Variants in WDR59 observed in about 807,000 individuals in gnomAD.
The protein encoded by WDR59 is WD repeat domain 59.
In WDR59, 100 loss-of-function variants were observed where a neutral mutation model predicts 131.2. The ratio of observed to expected loss-of-function variants is 0.76; its 90% CI spans 0.65 to 0.90. The LOEUF (loss-of-function observed/expected upper bound fraction) is 0.90. Ranked by LOEUF, WDR59 falls within the 40% of genes least tolerant of loss-of-function variation. WDR59 has a pLI of 0.00. For missense variants in WDR59, 1,203 were observed against 1,262.2 expected, an observed-to-expected ratio of 0.95 and a Z score of 0.71; for synonymous variants, 601 against 466.2, an observed-to-expected ratio of 1.29 and a Z score of -3.72.
intron 8 of WDR59, among the ~76,000 whole-genome samples, chr16:74,924,881 A>G (rs1036015851): frequency 6.6e-6 from 1 of 152,098 alleles, no homozygotes; most frequent in African/African-American, 2.4e-5. Context: ...TCGGCCTCCC[A>G]AAGTGCTGGG....
chr16:74,916,740 T>G (rs1301014068), intron 11 of WDR59, among the ~76,000 whole-genome samples: 2 of 151,548 alleles, frequency 1.3e-5, no homozygotes, highest in South Asian at 2.1e-4. Context: ...ACGCCTACAG[T>G]CCCAGCTACT....
In WDR59 at chr16:74,954,427, G is replaced by A. The variant is rs370907434; in HGVS notation, c.240+2048C>T. ...CTGTCTCAAAACAAACAAACAAAAA[G>A]ACATAACAAAGTACCACCTCACACC... On this transcript the variant is annotated intron_variant, in intron 3 of 25. Transcript: ENST00000262144. 2.2e-4 allele frequency among the ~76,000 whole-genome samples: 33 copies of A among 152,158 alleles called. 3 individuals are homozygous for A. In the South Asian group the frequency reaches 3.1e-3, roughly 14 times the overall value.
rs113792130 is a variant in WDR59, at chr16:74,894,137, G to T, written c.1867-325C>A. On this transcript the variant is annotated intron_variant, in intron 18 of 25. Transcript: ENST00000262144. The stretch of plus-strand genomic sequence containing the variant: ...GTTAGTAAAGGCCACAAAAATGTGG[G>T]AGAACAATTTTTAGATTGAATTCAG... Among the ~76,000 whole-genome samples, 299 of 152,250 alleles carry T rather than the reference G, an allele frequency of 2.0e-3. 1 individual carries two copies. Among genetic ancestry groups the T allele is most frequent in the African/African-American group, 6.9e-3 (286 of 41,536 alleles).
At chr16:74,914,580 A>G (rs930356571) in intron 13 of WDR59, among the ~76,000 whole-genome samples, 2 of 141,016 alleles carry the variant, frequency 1.4e-5, no homozygotes, top group Admixed American at 7.7e-5. Context: ...GGCTAAAACC[A>G]CTTACAGCAG....
intron 13 of WDR59, among the ~76,000 whole-genome samples, chr16:74,913,945 G>A (rs903194919): frequency 5.3e-5 from 8 of 152,186 alleles, no homozygotes; most frequent in East Asian, 1.9e-4. Flanking sequence ...AGTGGCTCAC[G>A]CCTGTAATCC....
chr16:74,975,275 C>T (rs992179098), intron 1 of WDR59, among the ~76,000 whole-genome samples: 10 of 151,924 alleles, frequency 6.6e-5, no homozygotes, highest in South Asian at 4.1e-4. Flanking sequence ...ACAGGAGAAT[C>T]GCTTGAACCC....
intron 2 of WDR59, among the ~76,000 whole-genome samples, chr16:74,965,346 G>A (rs2033727597): frequency 6.6e-6 from 1 of 152,162 alleles, no homozygotes. Flanking sequence ...ATTCCTTCAT[G>A]AGAAAACCAA....
At chr16:74,908,451 T>C (rs981278563) in intron 17 of WDR59, among the ~76,000 whole-genome samples, 8 of 152,188 alleles carry the variant, frequency 5.3e-5, no homozygotes, top group African/African-American at 1.7e-4. Flanking sequence ...TCCACGTTTG[T>C]GTTTTCACAA....
At chr16:74,959,319 T>G (rs375458376) in intron 2 of WDR59, 17 of 278,598 alleles carry the variant, frequency 6.1e-5, no homozygotes, top group African/African-American at 3.0e-4. Flanking sequence ...CAATGACATT[T>G]GGACATCCAC....
intron 18 of WDR59, among the ~76,000 whole-genome samples, chr16:74,896,560 G>A (rs555850272): frequency 3.9e-5 from 6 of 152,088 alleles, no homozygotes; most frequent in Non-Finnish European, 7.4e-5. Context: ...GCTTGAACCC[G>A]GGAGGCAGAA....
chr16:74,975,168 C>G (rs1353301076), intron 1 of WDR59, among the ~76,000 whole-genome samples: 1 of 152,190 alleles, frequency 6.6e-6, no homozygotes, highest in African/African-American at 2.4e-5. Flanking sequence ...CAAGACCAGC[C>G]TGGCCAACAT....
chr16:74,942,893 C>A, intron 6 of WDR59, 67 bp from the exon 7 acceptor site: 2 of 1,435,578 alleles, frequency 1.4e-6, no homozygotes, highest in Non-Finnish European at 1.9e-6. Context: ...CAGAGCACAG[C>A]CAGGGGAGCT....
intron 13 of WDR59, among the ~76,000 whole-genome samples, chr16:74,913,502 G>T (rs1433366886): frequency 2.6e-5 from 4 of 151,992 alleles, no homozygotes; most frequent in Non-Finnish European, 4.4e-5. Flanking sequence ...TGTTGGCCAG[G>T]CTGGTCTCAA....
chr16:74,909,654 G>C lies in WDR59; in HGVS notation c.1489C>G (p.Gln497Glu), dbSNP rs1965987499. ...LVSCLESFVN[Q>E]EDSASSNPFA... ...GGGTTGCTGGAAGCGCTGTCTTCCT[G>C]GTTCTGAAATTTAAAAATCCACAAG... is the stretch of plus-strand genomic sequence containing the variant. Residue 497 changes from glutamine (Q) to glutamate (E), a missense_variant, in exon 16 of 26, where the codon CAG becomes GAG. Coordinates refer to ENST00000262144, the MANE Select transcript of WDR59 (RefSeq NM_030581.4). 6.4e-7 allele frequency: 1 copy of C among 1,563,686 alleles called. No individual in the cohort carries two copies. Among genetic ancestry groups the C allele is most frequent in the Non-Finnish European group, 8.6e-7 (1 of 1,157,860 alleles).
At chr16:74,902,520 G>A (rs1166948334) in intron 18 of WDR59, among the ~76,000 whole-genome samples, 1 of 152,102 alleles carries the variant, frequency 6.6e-6, no homozygotes, top group Non-Finnish European at 1.5e-5. Context: ...TGATTAGAGT[G>A]GGCTTTACAC....
At chr16:74,976,449 T>C (rs2145237896) in intron 1 of WDR59, among the ~76,000 whole-genome samples, 1 of 151,450 alleles carries the variant, frequency 6.6e-6, no homozygotes, top group Admixed American at 6.6e-5. Flanking sequence ...TCTTTTTTTT[T>C]TTTTTTCTTT....
chr16:74,949,934 A>T (rs1282396095), intron 4 of WDR59, 136 bp from the exon 5 acceptor site: 2 of 815,612 alleles, frequency 2.5e-6, no homozygotes, highest in African/African-American at 3.4e-5. Flanking sequence ...TTAGGCTGAG[A>T]ATCTCCAAAG....
intron 21 of WDR59, 101 bp from the exon 22 acceptor site, chr16:74,888,420 A>G: frequency 1.6e-6 from 2 of 1,268,010 alleles, no homozygotes; most frequent in Non-Finnish European, 1.1e-6. Flanking sequence ...GTGGGAAGGG[A>G]GGAGTCTTGA....
intron 21 of WDR59, among the ~76,000 whole-genome samples, chr16:74,888,589 G>A (rs370974896): frequency 2.6e-5 from 4 of 152,198 alleles, no homozygotes; most frequent in South Asian, 2.1e-4. Flanking sequence ...TTTCAGGCAT[G>A]GGCTTAAACA....
Sources: gnomAD v4.1 joint callset for allele counts (sites outside exome capture counted in the v4.1 genomes callset) on GRCh38, gnomAD v4.1.1 for gene constraint, MANE v1.5 for transcripts, NCBI Gene and HGNC (gene_info 2026-07-23, HGNC 2026-07-21) for gene names.